Variants in PTGFR observed in about 807,000 individuals in gnomAD.
The protein encoded by PTGFR is prostaglandin F receptor.
Under a neutral mutation model 26.2 loss-of-function variants are expected in PTGFR, and 15 were observed. That is an observed-to-expected ratio of 0.57 (90% CI 0.38 to 0.88). The LOEUF (loss-of-function observed/expected upper bound fraction) is 0.88. Ranked by LOEUF, PTGFR falls within the 40% of genes least tolerant of loss-of-function variation. The pLI is 0.00. For synonymous variants in PTGFR, 165 were observed against 151.1 expected (o/e 1.09, Z -0.68); for missense variants, 369 against 427.2 (o/e 0.86, Z 1.20).
In PTGFR at chr1:78,493,189, C is replaced by T. The variant is rs754233774; in HGVS notation, c.446C>T (p.Ser149Phe). The T allele has an allele frequency of 1.9e-6, 3 of 1,614,168 alleles. No individual in the cohort carries two copies. Among genetic ancestry groups the T allele is most frequent in the East Asian group, 4.5e-5 (2 of 44,882 alleles). Residue 149 changes from serine (S) to phenylalanine (F), a missense_variant, in exon 2 of 3, where the codon TCC becomes TTC. Physicochemically the swap from Ser to Phe is radical, Grantham distance 155 (BLOSUM62 -2). Coordinates refer to ENST00000370757, the MANE Select transcript of PTGFR (RefSeq NM_000959.4). ...ATATTTCATTCTACGAAAATTACAT[C>T]CAAACATGTGAAAATGATGTTAAGT... ...KPIFHSTKIT[S>F]KHVKMMLSGV...
At position 78,540,566 on chromosome 1, in the gene PTGFR, G is replaced by T. The variant is rs1650771798; in HGVS notation, c.*3879G>T. 3.9e-5 allele frequency among the ~76,000 whole-genome samples: 6 copies of T among 152,190 alleles called. No individual in the cohort carries two copies. The South Asian group carries it at 1.2e-3, about 32-fold the overall frequency. On this transcript the variant is annotated 3_prime_UTR_variant, in exon 3 of 3. Transcript: ENST00000370757. Reference sequence around the variant, plus strand: ...AAAAGAAATTTTAGATGACTAAAAGGACTATATAATAGAAAGAGGGAAATC... The same window carrying T: ...AAAAGAAATTTTAGATGACTAAAAGTACTATATAATAGAAAGAGGGAAATC...
intron 2 of PTGFR, among the ~76,000 whole-genome samples, chr1:78,529,940 G>T (rs1057018538): frequency 6.6e-6 from 1 of 152,130 alleles, no homozygotes; most frequent in Non-Finnish European, 1.5e-5. Context: ...AATCTAATGC[G>T]TGATGATCTG....
chr1:78,493,628 T>G (rs1311272024), intron 2 of PTGFR, 87 bp downstream of exon 2: 2 of 1,297,966 alleles, frequency 1.5e-6, no homozygotes, highest in Non-Finnish European at 2.1e-6. Flanking sequence ...TTTTAAATGC[T>G]GAGAATGATC....
chr1:78,509,436 T>C (rs542866918), intron 2 of PTGFR, among the ~76,000 whole-genome samples: 3 of 152,320 alleles, frequency 2.0e-5, no homozygotes, highest in Admixed American at 1.3e-4. Flanking sequence ...TTTGGGGAAA[T>C]GCTGGACTAG....
chr1:78,509,632 G>C (rs1381489620), intron 2 of PTGFR, among the ~76,000 whole-genome samples: 1 of 152,064 alleles, frequency 6.6e-6, no homozygotes, highest in Admixed American at 6.5e-5. Flanking sequence ...TGGCTTTTTT[G>C]TTACTGAAAT....
At chr1:78,532,772 A>T (rs12738132) in intron 2 of PTGFR, among the ~76,000 whole-genome samples, 24,801 of 151,770 alleles carry the variant, frequency 0.16, 2,233 homozygotes, top group Non-Finnish European at 0.22. Flanking sequence ...ATGTCACTGT[A>T]ACTCCGTGTA....
Position 78,540,358 on chromosome 1 carries a change from C to T in PTGFR, c.*3671C>T, listed in dbSNP as rs1324318152. ...AATTTGTAGACAGCACTAATGATTT[C>T]CACATTAGGTAAAAAAAATTTTCAT... On this transcript the variant is annotated 3_prime_UTR_variant, in exon 3 of 3. Coordinates refer to ENST00000370757, the MANE Select transcript of PTGFR (RefSeq NM_000959.4). 6.6e-6 allele frequency among the ~76,000 whole-genome samples: 1 copy of T among 152,088 alleles called. No homozygotes were observed. The highest frequency in any genetic ancestry group is 1.5e-5 in the Non-Finnish European group (1 of 68,006).
chr1:78,497,087 A>G (rs1649571618), intron 2 of PTGFR, among the ~76,000 whole-genome samples: 1 of 152,182 alleles, frequency 6.6e-6, no homozygotes, highest in African/African-American at 2.4e-5. Context: ...TGCAGAATAA[A>G]TGTTTTAAAT....
intron 2 of PTGFR, among the ~76,000 whole-genome samples, chr1:78,494,198 GAAATGA>G (rs1274904623): frequency 2.0e-5 from 3 of 152,190 alleles, no homozygotes; most frequent in Non-Finnish European, 4.4e-5. Context: ...GTTTAATTTG[GAAATGA>G]AAGCTAAAGT....
chr1:78,519,126 A>C (rs1257466495), intron 2 of PTGFR, among the ~76,000 whole-genome samples: 1 of 152,152 alleles, frequency 6.6e-6, no homozygotes, highest in African/African-American at 2.4e-5. Flanking sequence ...CTCTATCAAT[A>C]AGCATCTTCA....
chr1:78,491,870 C>T (rs1307858123), intron 1 of PTGFR, among the ~76,000 whole-genome samples: 1 of 152,220 alleles, frequency 6.6e-6, no homozygotes, highest in African/African-American at 2.4e-5. Context: ...CTTGTGTATC[C>T]AGTGTCTGTG....
intron 2 of PTGFR, among the ~76,000 whole-genome samples, chr1:78,516,953 CCT>C (rs1650102131): frequency 6.6e-6 from 1 of 152,126 alleles, no homozygotes; most frequent in African/African-American, 2.4e-5. Context: ...AATGTGTTCA[CCT>C]CTCACTGAGC....
intron 2 of PTGFR, among the ~76,000 whole-genome samples, chr1:78,529,793 ATG>A (rs1650460244): frequency 6.6e-6 from 1 of 152,172 alleles, no homozygotes; most frequent in South Asian, 2.1e-4. Flanking sequence ...GCACAGTAGG[ATG>A]TGAGTGGCAG....
At chr1:78,534,036 A>G (rs897643491) in intron 2 of PTGFR, among the ~76,000 whole-genome samples, 7 of 152,156 alleles carry the variant, frequency 4.6e-5, no homozygotes, top group African/African-American at 1.7e-4. Context: ...TTTTCATAGA[A>G]TATTCAAATA....
chr1:78,500,479 A>T (rs748464003), intron 2 of PTGFR, among the ~76,000 whole-genome samples: 4 of 152,108 alleles, frequency 2.6e-5, no homozygotes, highest in Non-Finnish European at 4.4e-5. Flanking sequence ...GGATGTGGGG[A>T]TACAGGGAAC....
At chr1:78,531,975 T>C (rs902164844) in intron 2 of PTGFR, among the ~76,000 whole-genome samples, 8 of 152,048 alleles carry the variant, frequency 5.3e-5, no homozygotes, top group Non-Finnish European at 7.4e-5. Flanking sequence ...AATGGCTGTA[T>C]AGAATGAGAC....
At chr1:78,497,945 G>C (rs371058558) in intron 2 of PTGFR, 1 of 1,579,584 alleles carries the variant, frequency 6.3e-7, no homozygotes, top group Non-Finnish European at 8.7e-7. Flanking sequence ...TCTTACATAG[G>C]TGAGTTTACC....
At chr1:78,530,227 C>T (rs1458305194) in intron 2 of PTGFR, among the ~76,000 whole-genome samples, 1 of 152,124 alleles carries the variant, frequency 6.6e-6, no homozygotes, top group African/African-American at 2.4e-5. Context: ...AGATAGCTGT[C>T]CTCTGCACAT....
In PTGFR at chr1:78,535,952, G is replaced by C. The variant is rs544095330; in HGVS notation, c.799-454G>C. On this transcript the variant is annotated intron_variant, in intron 2 of 2. Coordinates refer to ENST00000370757, the MANE Select transcript of PTGFR (RefSeq NM_000959.4). ...TAGTTAAGAAGCAGAAAATCTCAGA[G>C]TAAAATTTGTCATATACCATTTGCA... Among the ~76,000 whole-genome samples the C allele has an allele frequency of 1.0e-3, 153 of 152,182 alleles. 2 individuals are homozygous for C. The highest frequency in any genetic ancestry group is 3.3e-3 in the African/African-American group (135 of 41,532).
Sources: allele counts gnomAD v4.1 joint callset (sites outside exome capture counted in the v4.1 genomes callset), GRCh38; gene constraint gnomAD v4.1.1; transcripts MANE v1.5; gene names NCBI Gene and HGNC (gene_info 2026-07-23, HGNC 2026-07-21).